WWOX: variants seen among roughly 807,000 people sequenced by gnomAD.
The protein encoded by WWOX is WW domain-containing oxidoreductase.
In WWOX, 69 loss-of-function variants were observed where a neutral mutation model predicts 46.2. That is an observed-to-expected ratio of 1.49 (90% CI 1.23 to 1.82). The LOEUF (loss-of-function observed/expected upper bound fraction) is 1.82, where lower values mean the gene tolerates loss of function less well. Among genes scored for constraint, WWOX ranks in the 40% most tolerant of loss-of-function variants. The pLI is 0.00. For missense variants in WWOX, 919 were observed against 542.6 expected, an observed-to-expected ratio of 1.69 and a Z score of -6.89; for synonymous variants, 359 against 202.6, an observed-to-expected ratio of 1.77 and a Z score of -6.56.
At chr16:78,144,488 C>CACACATATATATATATATATAT (rs1567596485) in intron 4 of WWOX, among the ~76,000 whole-genome samples, 2 of 6,814 alleles carry the variant, frequency 2.9e-4, no homozygotes, top group Admixed American at 2.6e-3. Flanking sequence ...TATATATATA[C>CACACATATATATATATATATAT]ACACACACAC....
At chr16:79,139,387 G>A (rs1437069350) in intron 8 of WWOX, among the ~76,000 whole-genome samples, 5 of 152,292 alleles carry the variant, frequency 3.3e-5, no homozygotes, top group African/African-American at 9.6e-5. Context: ...TGCTTAAACT[G>A]CCAAGTGAAT....
rs184256061 is a variant in WWOX at position 78,743,536 on chromosome 16, T to A, written c.1056+310784T>A. Among the ~76,000 whole-genome samples the A allele has an allele frequency of 3.3e-5, 5 of 152,218 alleles. No individual in the cohort carries two copies. The East Asian group carries it at 7.7e-4, about 24-fold the overall frequency. ...GAATCTAAGGCTGATTCACGTTGAC[T>A]TTGTATAATTAAATCAAAAGGAAAA... On this transcript the variant is annotated intron_variant, in intron 8 of 8. Coordinates refer to ENST00000566780, the MANE Select transcript of WWOX (RefSeq NM_016373.4).
chr16:79,211,673 G>C lies in WWOX; in HGVS notation c.1122G>C (p.Met374Ile). ...AVPELEGLGG[M>I]YFNNCCRCMP... ...CAGAACTGGAGGGTCTGGGAGGGAT[G>C]TACTTCAACAACTGCTGCCGCTGCA... The change falls in exon 9 of 9, where the codon ATG becomes ATC. Residue 374 changes from methionine to isoleucine, a missense_variant. Coordinates refer to ENST00000566780, the MANE Select transcript of WWOX (RefSeq NM_016373.4). 6.2e-7 allele frequency: 1 copy of C among 1,614,238 alleles called. No individual in the cohort carries two copies. Among genetic ancestry groups the C allele is most frequent in the East Asian group, 2.2e-5 (1 of 44,870 alleles).
chr16:78,476,498 C>T (rs1018164380), intron 8 of WWOX, among the ~76,000 whole-genome samples: 2 of 151,986 alleles, frequency 1.3e-5, no homozygotes, highest in Admixed American at 6.6e-5. Context: ...GGAGATATAC[C>T]TAATGTAAAT....
rs558865793 is a variant in WWOX, at chr16:78,692,963, C to T, written c.1056+260211C>T. 6.6e-5 allele frequency among the ~76,000 whole-genome samples: 10 copies of T among 152,306 alleles called. No homozygotes were observed. The South Asian group carries it at 1.7e-3, about 25-fold the overall frequency. On this transcript the variant is annotated intron_variant, in intron 8 of 8. Transcript: ENST00000566780. The stretch of plus-strand genomic sequence containing the variant: ...AACTTGAGTTATTAAACACCCTTCT[C>T]TCCCTGGGGATGCCTTTTGCTATGG...
At chr16:78,692,374 G>T (rs762288623) in intron 8 of WWOX, among the ~76,000 whole-genome samples, 1 of 152,164 alleles carries the variant, frequency 6.6e-6, no homozygotes, top group Non-Finnish European at 1.5e-5. Flanking sequence ...CAAAGCTTCA[G>T]TCCTTACCAA....
intron 8 of WWOX, among the ~76,000 whole-genome samples, chr16:78,627,519 A>T (rs1325715072): frequency 6.6e-6 from 1 of 152,228 alleles, no homozygotes; most frequent in African/African-American, 2.4e-5. Context: ...GATGCCAACA[A>T]GAAGTCACCA....
At chr16:79,068,653 A>C (rs7190868) in intron 8 of WWOX, among the ~76,000 whole-genome samples, 86,648 of 150,904 alleles carry the variant, frequency 0.57, 27,226 homozygotes, top group African/African-American at 0.85. Context: ...ACAACAACAA[A>C]AAAAAAAATT....
intron 8 of WWOX, among the ~76,000 whole-genome samples, chr16:79,094,640 C>CT (rs879730164): frequency 6.9e-4 from 102 of 148,548 alleles, no homozygotes; most frequent in East Asian, 5.1e-3. Context: ...TCTGTTTTTT[C>CT]TTTTTTTTTT....
chr16:78,863,647 T>C (rs1027137227), intron 8 of WWOX, among the ~76,000 whole-genome samples: 1 of 152,172 alleles, frequency 6.6e-6, no homozygotes, highest in Admixed American at 6.5e-5. Context: ...ATTTACTCAG[T>C]GTTTCTGGAG....
intron 8 of WWOX, among the ~76,000 whole-genome samples, chr16:78,948,659 C>A (rs779256066): frequency 6.6e-6 from 1 of 152,064 alleles, no homozygotes; most frequent in Non-Finnish European, 1.5e-5. Flanking sequence ...GAGGTTCCAG[C>A]AGTTCCAGCC....
At chr16:78,687,067 C>G (rs997778303) in intron 8 of WWOX, among the ~76,000 whole-genome samples, 2 of 148,164 alleles carry the variant, frequency 1.3e-5, no homozygotes, top group Non-Finnish European at 3.0e-5. Context: ...TTATTTTCAT[C>G]TTTATTTTAT....
chr16:78,897,832 T>G (rs2044737603), intron 8 of WWOX: 2 of 152,152 alleles, frequency 1.3e-5, no homozygotes, highest in Admixed American at 1.3e-4. Context: ...CATCAGCACT[T>G]TGTAATTTCA....
chr16:78,955,186 G>C (rs2046140296), intron 8 of WWOX, among the ~76,000 whole-genome samples: 1 of 152,142 alleles, frequency 6.6e-6, no homozygotes, highest in South Asian at 2.1e-4. Flanking sequence ...AGACTGCAGG[G>C]GTCAGAGATC....
At chr16:78,547,127 G>T (rs1488452398) in intron 8 of WWOX, among the ~76,000 whole-genome samples, 1 of 87,516 alleles carries the variant, frequency 1.1e-5, no homozygotes, top group African/African-American at 6.8e-5. Context: ...CCTTGTCTCA[G>T]AAAAAAAAAA....
At chr16:78,906,970 A>G (rs543624767) in intron 8 of WWOX, among the ~76,000 whole-genome samples, 1 of 152,306 alleles carries the variant, frequency 6.6e-6, no homozygotes, top group Non-Finnish European at 1.5e-5. Flanking sequence ...TAACCGCCCA[A>G]TGGGTTCATT....
At chr16:78,744,098 A>T (rs1597532702) in intron 8 of WWOX, among the ~76,000 whole-genome samples, 1 of 152,292 alleles carries the variant, frequency 6.6e-6, no homozygotes, top group South Asian at 2.1e-4. Flanking sequence ...TATGAAGAGT[A>T]TTGGGGTACA....
intron 4 of WWOX, among the ~76,000 whole-genome samples, chr16:78,144,042 C>T (rs773437029): frequency 2.0e-5 from 3 of 151,912 alleles, no homozygotes; most frequent in South Asian, 4.1e-4. Flanking sequence ...ACACATAAAC[C>T]ACCACCCCAG....
intron 5 of WWOX, among the ~76,000 whole-genome samples, chr16:78,256,110 A>G (rs2038122882): frequency 7.4e-6 from 1 of 134,698 alleles, no homozygotes; most frequent in Non-Finnish European, 1.5e-5. Context: ...AGACTGCACC[A>G]TTGTACTCCA....
Sources: allele counts gnomAD v4.1 joint callset (sites outside exome capture counted in the v4.1 genomes callset), GRCh38; gene constraint gnomAD v4.1.1; transcripts MANE v1.5; gene names NCBI Gene and HGNC (gene_info 2026-07-23, HGNC 2026-07-21).